MCPH1: variants seen among roughly 807,000 people sequenced by gnomAD.
MCPH1 encodes the protein microcephalin.
MCPH1 carries 104 observed loss-of-function variants against 84.5 expected under a neutral mutation model. The ratio of observed to expected loss-of-function variants is 1.23; its 90% CI spans 1.05 to 1.45. The LOEUF is 1.45. Ranked by LOEUF, MCPH1 falls within the 40% of genes most tolerant of loss-of-function variation. The probability of loss-of-function intolerance (pLI) is 0.00; values close to 1 mark genes in which losing one functional copy is unlikely to be tolerated. For synonymous variants in MCPH1, 514 were observed against 366.8 expected (o/e 1.40, Z -4.58); for missense variants, 1,498 against 1,005.7 (o/e 1.49, Z -6.62).
intron 12 of MCPH1, among the ~76,000 whole-genome samples, chr8:6,614,273 C>T (rs192596019): frequency 2.6e-5 from 4 of 152,340 alleles, no homozygotes; most frequent in African/African-American, 9.6e-5. Context: ...TCGGACAGGA[C>T]TCACGATGGA....
chr8:6,411,103 A>T (rs1798474262), intron 2 of MCPH1, among the ~76,000 whole-genome samples: 1 of 152,104 alleles, frequency 6.6e-6, no homozygotes, highest in Non-Finnish European at 1.5e-5. Context: ...AAACCAAAAA[A>T]ATAGGCACTA....
intron 12 of MCPH1, among the ~76,000 whole-genome samples, chr8:6,539,357 C>G (rs376366652): frequency 4.6e-5 from 7 of 152,184 alleles, no homozygotes; most frequent in African/African-American, 1.7e-4. Flanking sequence ...TTGGCCTTTT[C>G]TTCACGTTCA....
At chr8:6,493,746 CTG>C (rs1427893440) in intron 11 of MCPH1, among the ~76,000 whole-genome samples, 6 of 152,120 alleles carry the variant, frequency 3.9e-5, no homozygotes, top group African/African-American at 1.2e-4. Flanking sequence ...CCGGGGATCT[CTG>C]TCGTATTCGG....
chr8:6,588,484 G>A (rs908000911), intron 12 of MCPH1, among the ~76,000 whole-genome samples: 7 of 152,270 alleles, frequency 4.6e-5, no homozygotes, highest in African/African-American at 9.6e-5. Flanking sequence ...TCACCTCCCT[G>A]GGGACATGCT....
chr8:6,431,509 G>C lies in MCPH1; in HGVS notation c.244G>C (p.Ala82Pro), dbSNP rs370624266. The change falls in exon 4 of 14, where the codon GCT (alanine) becomes CCT (proline). Residue 82 changes from alanine (A) to proline (P), a missense_variant. By Grantham distance (27) the Ala-to-Pro change is conservative. Coordinates refer to ENST00000344683, the MANE Select transcript of MCPH1 (RefSeq NM_024596.5). ...SVLWVEKCRT[A>P]GAHIDESLFP... is the part of the protein sequence containing the mutation. ...AATTTAATTATACAGATGCAGGACAGCTGGAGCACACATTGATGAATCATT... is the reference window on the plus strand; with the variant it reads ...AATTTAATTATACAGATGCAGGACACCTGGAGCACACATTGATGAATCATT... The C allele has an allele frequency of 9.3e-6, 15 of 1,612,856 alleles. No individual in the cohort carries two copies. The highest frequency in any genetic ancestry group is 1.3e-5 in the African/African-American group (1 of 74,848).
chr8:6,639,518 C>T (rs1378915806), intron 13 of MCPH1, among the ~76,000 whole-genome samples: 1 of 151,984 alleles, frequency 6.6e-6, no homozygotes, highest in Non-Finnish European at 1.5e-5. Context: ...TTAAAAGTAG[C>T]CTGGTGTCAT....
intron 13 of MCPH1, chr8:6,625,867 A>T: frequency 1.0e-6 from 1 of 985,376 alleles, no homozygotes; most frequent in Non-Finnish European, 1.2e-6. Flanking sequence ...GATGTCGTAA[A>T]CTCACAGGGG....
rs147642349 is a variant in MCPH1, at chr8:6,640,059, CGTGTGTGTGTGT to C, written c.2453-2907_2453-2896del. ...CGGCTGGCTTCTGCTATTTTAAACT[CGTGTGTGTGTGT>C]GTGTGTGTGTGTGTGTGTGTGTGTG... On this transcript the variant is annotated intron_variant, in intron 13 of 13. Transcript: ENST00000344683. 6.3e-3 allele frequency among the ~76,000 whole-genome samples: 849 copies of C among 134,280 alleles called. 13 individuals are homozygous for C. Among genetic ancestry groups the C allele is most frequent in the African/African-American group, 0.022 (791 of 35,676 alleles). The allele number at this position is 134,280 out of a possible 152,430, so 88.1% of individuals were successfully genotyped here.
chr8:6,412,897 C>A (rs1798736573), intron 2 of MCPH1, among the ~76,000 whole-genome samples: 1 of 152,202 alleles, frequency 6.6e-6, no homozygotes, highest in Non-Finnish European at 1.5e-5. Flanking sequence ...ATGAAATTCA[C>A]AATGAAAAGA....
At chr8:6,627,435 G>C (rs555541159) in intron 13 of MCPH1, 3 of 218,762 alleles carry the variant, frequency 1.4e-5, no homozygotes, top group East Asian at 1.8e-4. Flanking sequence ...CAACCGCTCA[G>C]AAAATGTTTG....
rs1243103837 is a variant in MCPH1, at chr8:6,643,275, T to TA, written c.*227dup. ...GCCTTTTTATTTTTATTTTATTTTTTATTTTTTGAGACGGAGTCCTGCCCT... is the reference window on the plus strand; with the variant it reads ...GCCTTTTTATTTTTATTTTATTTTTTAATTTTTTGAGACGGAGTCCTGCCCT... On this transcript the variant is annotated 3_prime_UTR_variant, in exon 14 of 14. Coordinates refer to ENST00000344683, the MANE Select transcript of MCPH1 (RefSeq NM_024596.5). 1.8e-6 allele frequency: 1 copy of TA among 561,550 alleles called. No homozygotes were observed. Among genetic ancestry groups the TA allele is most frequent in the Non-Finnish European group, 3.2e-6 (1 of 317,152 alleles). 34.8% of individuals were successfully genotyped at this position (561,550 alleles called of 1,614,324 possible). A position where few individuals can be genotyped will look rare whatever the true frequency, so the allele number is the denominator to read the frequency against.
rs867735938 is a variant in MCPH1 at position 6,407,650 on chromosome 8, C to T, written c.22+961C>T. ...ATACAAAGTCTGTAATCAGATGTGG[C>T]TATTTTTCTAATGTTAGTATTTTGT... On this transcript the variant is annotated intron_variant, in intron 1 of 13. Transcript: ENST00000344683. 2.6e-5 allele frequency among the ~76,000 whole-genome samples: 4 copies of T among 152,146 alleles called. No homozygotes were observed. In the East Asian group the frequency reaches 7.7e-4, roughly 29 times the overall value.
chr8:6,483,727 G>T (rs114040974), intron 11 of MCPH1, among the ~76,000 whole-genome samples: 238 of 152,278 alleles, frequency 1.6e-3, no homozygotes, highest in African/African-American at 5.5e-3. Flanking sequence ...CGGCATGGTG[G>T]CACCTGCCTG....
chr8:6,629,045 G>C (rs1186793377), intron 13 of MCPH1, among the ~76,000 whole-genome samples: 1 of 152,230 alleles, frequency 6.6e-6, no homozygotes, highest in Non-Finnish European at 1.5e-5. Flanking sequence ...AGAATTCATA[G>C]GTTGAAGCCT....
chr8:6,500,850 A>G (rs900094970), intron 12 of MCPH1: 2 of 152,298 alleles, frequency 1.3e-5, no homozygotes, highest in Admixed American at 6.5e-5. Flanking sequence ...TGACATAATG[A>G]GATTTGTCCT....
At chr8:6,406,988 G>A (rs1413275656) in intron 1 of MCPH1, 13 of 433,336 alleles carry the variant, frequency 3.0e-5, no homozygotes, top group Non-Finnish European at 4.5e-5. Context: ...TACTGCTTGT[G>A]CCCCAACCCC....
chr8:6,451,937 T>C (rs1239585304), intron 8 of MCPH1, among the ~76,000 whole-genome samples: 2 of 152,228 alleles, frequency 1.3e-5, no homozygotes, highest in African/African-American at 4.8e-5. Flanking sequence ...AAATGTGTTA[T>C]TAATATTAGC....
At chr8:6,473,103 C>G (rs918669076) in intron 9 of MCPH1, among the ~76,000 whole-genome samples, 11 of 151,902 alleles carry the variant, frequency 7.2e-5, no homozygotes, top group Admixed American at 2.0e-4. Context: ...AAGAATAAGC[C>G]TTTATTTTTT....
At chr8:6,541,470 C>A (rs1465423712) in intron 12 of MCPH1, among the ~76,000 whole-genome samples, 1 of 152,120 alleles carries the variant, frequency 6.6e-6, no homozygotes, top group East Asian at 1.9e-4. Flanking sequence ...TGGGGCAGGG[C>A]AGGCCTGGAG....
Sources: gnomAD v4.1 joint callset for allele counts (sites outside exome capture counted in the v4.1 genomes callset) on GRCh38, gnomAD v4.1.1 for gene constraint, MANE v1.5 for transcripts, NCBI Gene and HGNC (gene_info 2026-07-23, HGNC 2026-07-21) for gene names.